Variants in CTNNA2 observed in about 807,000 individuals in gnomAD.
CTNNA2 encodes the protein catenin alpha-2.
CTNNA2 carries 42 observed loss-of-function variants against 101.0 expected under a neutral mutation model. The ratio of observed to expected loss-of-function variants is 0.42; its 90% CI spans 0.32 to 0.54. The LOEUF is 0.54. CTNNA2 is among the 20% of genes least tolerant of loss of function. The pLI is 0.14. For missense variants in CTNNA2, 871 were observed against 1,223.1 expected, an observed-to-expected ratio of 0.71 and a Z score of 4.29; for synonymous variants, 450 against 456.4, an observed-to-expected ratio of 0.99 and a Z score of 0.18.
intron 1 of CTNNA2, among the ~76,000 whole-genome samples, chr2:79,516,400 G>T (rs1440993492): frequency 6.6e-6 from 1 of 152,150 alleles, no homozygotes; most frequent in Non-Finnish European, 1.5e-5. Flanking sequence ...ATTATATTTG[G>T]TAGTAGCACT....
intron 7 of CTNNA2, among the ~76,000 whole-genome samples, chr2:80,090,196 G>A (rs1403580421): frequency 1.3e-5 from 2 of 150,734 alleles, no homozygotes; most frequent in African/African-American, 2.4e-5. Context: ...GTGTTTGTGT[G>A]TATGCATGTG....
At chr2:79,215,373 G>A (rs867351036) in intron 2 of CTNNA2, among the ~76,000 whole-genome samples, 7 of 152,160 alleles carry the variant, frequency 4.6e-5, no homozygotes, top group Admixed American at 1.3e-4. Flanking sequence ...GCTGGGGTTT[G>A]TCTCACAGTG....
At chr2:79,977,155 G>A (rs1690909092) in intron 7 of CTNNA2, among the ~76,000 whole-genome samples, 1 of 151,302 alleles carries the variant, frequency 6.6e-6, no homozygotes, top group African/African-American at 2.4e-5. Flanking sequence ...CCTAATTTAT[G>A]TGAATCAATA....
intron 7 of CTNNA2, among the ~76,000 whole-genome samples, chr2:80,110,931 A>G (rs1701175819): frequency 6.6e-6 from 1 of 152,220 alleles, no homozygotes; most frequent in Non-Finnish European, 1.5e-5. Context: ...AAAGAGGTTT[A>G]ATTGACTCAC....
chr2:80,020,890 T>G (rs1694507783), intron 7 of CTNNA2, among the ~76,000 whole-genome samples: 1 of 152,100 alleles, frequency 6.6e-6, no homozygotes, highest in African/African-American at 2.4e-5. Context: ...TGACCTGGTA[T>G]GCTGTGGACC....
intron 6 of CTNNA2, 27 bp from the exon 7 acceptor site, chr2:79,909,567 T>TTG (rs370736531): frequency 3.2e-4 from 494 of 1,533,118 alleles, no homozygotes; most frequent in South Asian, 8.8e-4. Flanking sequence ...CTGCTGATTT[T>TTG]TGTGTGTGTG....
At chr2:80,221,490 C>G (rs1017336228) in intron 7 of CTNNA2, among the ~76,000 whole-genome samples, 11 of 152,196 alleles carry the variant, frequency 7.2e-5, no homozygotes, top group Admixed American at 1.3e-4. Context: ...GCTGGGGCAC[C>G]ATGTCCCAGG....
At chr2:79,613,843 C>T (rs1044916213) in intron 1 of CTNNA2, among the ~76,000 whole-genome samples, 3 of 152,208 alleles carry the variant, frequency 2.0e-5, no homozygotes, top group East Asian at 1.9e-4. Flanking sequence ...AAGCAATATG[C>T]GTGCGTGGAT....
chr2:80,090,146 C>CTCTCTGTGTGTGTGTGTGTG (rs1200774264), intron 7 of CTNNA2, among the ~76,000 whole-genome samples: 2 of 140,624 alleles, frequency 1.4e-5, no homozygotes, highest in African/African-American at 5.2e-5. Flanking sequence ...CTCTCTCTCT[C>CTCTCTGTGTGTGTGTGTGTG]TGTGTGTGTG....
chr2:80,546,365 G>A (rs1269899441), intron 11 of CTNNA2, among the ~76,000 whole-genome samples: 1 of 152,202 alleles, frequency 6.6e-6, no homozygotes, highest in Non-Finnish European at 1.5e-5. Flanking sequence ...AATCACTCAT[G>A]TAAAAAAGGG....
rs72915141 is a variant in CTNNA2, at chr2:79,203,072, G to A, written c.-406+4996G>A. Among the ~76,000 whole-genome samples, 1,046 of 151,888 alleles carry A rather than the reference G, an allele frequency of 6.9e-3. 9 individuals are homozygous for A. The highest frequency in any genetic ancestry group is 0.024 in the African/African-American group (1,003 of 41,406). ...TTCCTCACTACTACTCTCTTCTCTC[G>A]CCTTCCCTGCCACCTCCATCATCTC... On this transcript the variant is annotated intron_variant, in intron 2 of 21. Transcript: ENST00000466387.
chr2:80,570,131 C>T (rs1264844921), intron 12 of CTNNA2, among the ~76,000 whole-genome samples: 1 of 152,164 alleles, frequency 6.6e-6, no homozygotes, highest in African/African-American at 2.4e-5. Flanking sequence ...TCACTGCAAC[C>T]TCTGCCTCCT....
chr2:80,273,210 G>A (rs1374451127), intron 7 of CTNNA2, among the ~76,000 whole-genome samples: 1 of 152,024 alleles, frequency 6.6e-6, no homozygotes, highest in Admixed American at 6.6e-5. Context: ...GGAGAAGAAG[G>A]TTGAAACCTG....
Position 80,648,006 on chromosome 2 carries a change from G to C in CTNNA2, c.*134G>C. On this transcript the variant is annotated 3_prime_UTR_variant, in exon 19 of 19. Coordinates refer to ENST00000402739, the MANE Select transcript of CTNNA2 (RefSeq NM_001282597.3). ...GAAATTAAGGGAACAGTGTCTGTTT[G>C]CATGTAAGATGAGATGAGATCAATA... 1.2e-6 allele frequency: 1 copy of C among 806,050 alleles called. No individual in the cohort carries two copies. Among genetic ancestry groups the C allele is most frequent in the South Asian group, 1.9e-5 (1 of 52,480 alleles). The allele number at this position is 806,050 out of a possible 1,614,324, so 49.9% of individuals were successfully genotyped here.
At chr2:80,564,525 T>TA (rs1693883598) in intron 12 of CTNNA2, among the ~76,000 whole-genome samples, 1 of 150,698 alleles carries the variant, frequency 6.6e-6, no homozygotes, top group Non-Finnish European at 1.5e-5. Context: ...TTTTTTTTTT[T>TA]TACCCCCTCC....
intron 1 of CTNNA2, among the ~76,000 whole-genome samples, chr2:79,612,639 G>A (rs1678355737): frequency 6.6e-6 from 1 of 152,070 alleles, no homozygotes; most frequent in Admixed American, 6.6e-5. Context: ...TGTAGAATGA[G>A]CTCTGTTTCT....
intron 2 of CTNNA2, among the ~76,000 whole-genome samples, chr2:79,679,227 T>A (rs2104629341): frequency 6.6e-6 from 1 of 152,352 alleles, no homozygotes; most frequent in Admixed American, 6.5e-5. Flanking sequence ...TTAAATTATT[T>A]GTTTTACACC....
chr2:79,411,265 T>G (rs1280761760), intron 4 of CTNNA2, among the ~76,000 whole-genome samples: 1 of 152,028 alleles, frequency 6.6e-6, no homozygotes, highest in African/African-American at 2.4e-5. Flanking sequence ...CTGGATTCAT[T>G]AATTTTTTGA....
At chr2:79,311,919 T>C (rs1676383918) in intron 2 of CTNNA2, among the ~76,000 whole-genome samples, 1 of 152,192 alleles carries the variant, frequency 6.6e-6, no homozygotes, top group African/African-American at 2.4e-5. Context: ...TGTTTTTTAT[T>C]TGAAACAGAG....
Sources: allele counts gnomAD v4.1 joint callset (sites outside exome capture counted in the v4.1 genomes callset), GRCh38; gene constraint gnomAD v4.1.1; transcripts MANE v1.5; gene names NCBI Gene and HGNC (gene_info 2026-07-23, HGNC 2026-07-21).